TTN: variants seen among roughly 807,000 people sequenced by gnomAD.
The protein encoded by TTN is connectin.
Under a neutral mutation model 3,223.0 loss-of-function variants are expected in TTN, and 1,525 were observed. That is an observed-to-expected ratio of 0.47 (90% CI 0.45 to 0.49). The LOEUF (loss-of-function observed/expected upper bound fraction) is 0.49, where lower values mean the gene tolerates loss of function less well. TTN is among the 20% of genes least tolerant of loss of function. The pLI is 0.00. For missense variants in TTN, 40,786 were observed against 43,424.0 expected, an observed-to-expected ratio of 0.94 and a Z score of 5.40; for synonymous variants, 14,094 against 15,161.0, an observed-to-expected ratio of 0.93 and a Z score of 5.17.
intron 245 of TTN, 24 bp downstream of exon 245, chr2:178,621,451 G>GT (rs750785162): frequency 0.041 from 65,662 of 1,609,832 alleles, 3,157 homozygotes; most frequent in Admixed American, 0.18. Flanking sequence ...AGAAATAAAA[G>GT]ATTATTCACT....
At chr2:178,672,526 T>G in intron 153 of TTN, 45 bp from the exon 154 acceptor site, 15 of 1,603,488 alleles carry the variant, frequency 9.4e-6, no homozygotes, top group Non-Finnish European at 1.3e-5. Context: ...GAGAGCAAGC[T>G]TTCATAGACA....
Position 178,713,102 on chromosome 2 carries a change from G to A in TTN, c.27032C>T (p.Ala9011Val). The A allele has an allele frequency of 1.2e-6, 2 of 1,613,468 alleles. No homozygotes were observed. The highest frequency in any genetic ancestry group is 1.7e-6 in the Non-Finnish European group (2 of 1,179,544). Residue 9011 changes from alanine to valine, a missense_variant, in exon 93 of 363, where the codon GCT becomes GTT. Physicochemically the swap from Ala to Val is moderately conservative, Grantham distance 64 (BLOSUM62 0). Transcript: ENST00000589042. Reference sequence around the variant, plus strand: ...AAACTGACCTCTCACAGTCAAAGGAGCACTACATTCATCAGAACCAGCCAT... The same window carrying A: ...AAACTGACCTCTCACAGTCAAAGGAACACTACATTCATCAGAACCAGCCAT... ...TNMAGSDECS[A>V]PLTVREPPSF... is the part of the protein sequence containing the mutation.
Position 178,588,746 on chromosome 2 carries a change from C to CT in TTN, c.62978dup (p.Ser20994ValfsTer27), listed in dbSNP as rs2154183322. Reference sequence around the variant, plus strand: ...TCTCCAAAAAGTATCCAGTTATAGACTTTCCACCATCATATTCAGGTGGAT... The same window carrying CT: ...TCTCCAAAAAGTATCCAGTTATAGACTTTTCCACCATCATATTCAGGTGGAT... On this transcript the variant is annotated frameshift_variant, in exon 304 of 363. Transcript: ENST00000589042. LOFTEE classifies it high-confidence loss of function. 6.2e-7 allele frequency: 1 copy of CT among 1,613,338 alleles called. No homozygotes were observed. Among genetic ancestry groups the CT allele is most frequent in the Non-Finnish European group, 8.5e-7 (1 of 1,179,558 alleles).
In TTN at chr2:178,773,374, G is replaced by A; in HGVS notation, c.7595-5C>T. The stretch of plus-strand genomic sequence containing the variant: ...GACCTCTGATAATTTTAATTTCTGG[G>A]GAAAAAATAAAATAATCTCTTGGTT... On this transcript the variant is annotated splice_region_variant and splice_polypyrimidine_tract_variant and intron_variant, in intron 32 of 362. Transcript: ENST00000589042. 1 of 1,613,718 alleles carries A rather than the reference G, an allele frequency of 6.2e-7. No individual in the cohort carries two copies. The highest frequency in any genetic ancestry group is 8.5e-7 in the Non-Finnish European group (1 of 1,179,926).
In TTN at chr2:178,768,270, C is replaced by T. The variant is rs1320425228; in HGVS notation, c.9164-115G>A. Reference sequence around the variant, plus strand: ...ACAATTCAATGAATTTCCATGTATTCATCATTGTGTAGCCATCACCATAAT... The same window carrying T: ...ACAATTCAATGAATTTCCATGTATTTATCATTGTGTAGCCATCACCATAAT... On this transcript the variant is annotated intron_variant, in intron 38 of 362. Transcript: ENST00000589042. 21 of 1,279,096 alleles carry T rather than the reference C, an allele frequency of 1.6e-5. 1 individual carries two copies. The highest frequency in any genetic ancestry group is 1.5e-5 in the Non-Finnish European group (14 of 909,716). The allele number at this position is 1,279,096 out of a possible 1,614,324, so 79.2% of individuals were successfully genotyped here.
chr2:178,717,255 G>T lies in TTN; in HGVS notation c.25479C>A (p.Asn8493Lys). 1 of 1,613,654 alleles carries T rather than the reference G, an allele frequency of 6.2e-7. No individual in the cohort carries two copies. Among genetic ancestry groups the T allele is most frequent in the Non-Finnish European group, 8.5e-7 (1 of 1,179,678 alleles). The change falls in exon 88 of 363, where the codon AAC becomes AAA. Residue 8493 changes from asparagine to lysine, a missense_variant. Coordinates refer to ENST00000589042, the MANE Select transcript of TTN (RefSeq NM_001267550.2). ...APIKITWAKD[N>K]REIRPGGNYK... ...AGTTGCCTCCAGGGCGAATCTCTCGGTTATCTTTGGCCCAAGTGATTTTGA... is the reference window on the plus strand; with the variant it reads ...AGTTGCCTCCAGGGCGAATCTCTCGTTTATCTTTGGCCCAAGTGATTTTGA...
In TTN at chr2:178,719,826, G is replaced by A; in HGVS notation, c.23666C>T (p.Ala7889Val). Residue 7889 changes from alanine (A) to valine (V), a missense_variant, in exon 82 of 363, where the codon GCA (alanine) becomes GTA (valine). Ala to Val is a moderately conservative substitution (Grantham distance 64). Coordinates refer to ENST00000589042, the MANE Select transcript of TTN (RefSeq NM_001267550.2). ...GGGTTCGGGCTTCTCTATGATTCTT[G>A]CTGGTTCTAAAAGAAGAAGTATTTT... ...CSAVLTVLEP[A>V]RIIEKPEPMT... 1 of 1,603,174 alleles carries A rather than the reference G, an allele frequency of 6.2e-7. No individual in the cohort carries two copies. Among genetic ancestry groups the A allele is most frequent in the Non-Finnish European group, 8.5e-7 (1 of 1,173,780 alleles).
At position 178,647,077 on chromosome 2, in the gene TTN, A is replaced by C. The variant is rs1400146703; in HGVS notation, c.40209T>G (p.Thr13403=). ...ATATATATATACCTTCAACAGGGGGAGTCTCTTTTCTACCAATGGTTATAG... is the reference window on the plus strand; with the variant it reads ...ATATATATATACCTTCAACAGGGGGCGTCTCTTTTCTACCAATGGTTATAG... ...KASITIGRKE[T]PPVEEREIEK... Residue 13403 remains threonine (T), a synonymous_variant, in exon 215 of 363, where the codon ACT becomes ACG. Transcript: ENST00000589042. 7.6e-7 allele frequency: 1 copy of C among 1,307,498 alleles called. No homozygotes were observed. The highest frequency in any genetic ancestry group is 2.8e-5 in the East Asian group (1 of 35,840). 81.0% of individuals were successfully genotyped at this position (1,307,498 alleles called of 1,614,324 possible).
chr2:178,635,097 A>C, intron 228 of TTN, 68 bp downstream of exon 228: 2 of 1,586,268 alleles, frequency 1.3e-6, no homozygotes, highest in South Asian at 2.3e-5. Flanking sequence ...CGAATCTAGG[A>C]TATAGATCCT....
rs531445644 is a variant in TTN, at chr2:178,555,052, C to T, written c.88407G>A (p.Ala29469=). 94 of 1,613,710 alleles carry T rather than the reference C, an allele frequency of 5.8e-5. No individual in the cohort carries two copies. The highest frequency in any genetic ancestry group is 5.0e-4 in the Middle Eastern group (3 of 6,058). Residue 29469 remains alanine (A), a synonymous_variant, in exon 331 of 363, where the codon GCG becomes GCA. Coordinates refer to ENST00000589042, the MANE Select transcript of TTN (RefSeq NM_001267550.2). ...CATCTTTATACCACTCAATAGTAGG[C>T]GCAGGTTTGCCAGAAATGCCAGCTC... ...KLRAGISGKP[A]PTIEWYKDDK...
In TTN at chr2:178,544,421, A is replaced by T. The variant is rs1696070748; in HGVS notation, c.95808T>A (p.Asp31936Glu). 4 of 1,613,726 alleles carry T rather than the reference A, an allele frequency of 2.5e-6. No individual in the cohort carries two copies. Among genetic ancestry groups the T allele is most frequent in the Non-Finnish European group, 3.4e-6 (4 of 1,179,694 alleles). ...ISLAWTKPMY[D>E]GGTDIVGYVL... ...CATATCCTACAATGTCAGTACCACCATCGTACATGGGTTTGGTCCATGCCA... is the reference window on the plus strand; with the variant it reads ...CATATCCTACAATGTCAGTACCACCTTCGTACATGGGTTTGGTCCATGCCA... Residue 31936 changes from aspartate to glutamate, a missense_variant, in exon 345 of 363, where the codon GAT becomes GAA. Coordinates refer to ENST00000589042, the MANE Select transcript of TTN (RefSeq NM_001267550.2).
chr2:178,689,371 G>T lies in TTN; in HGVS notation c.31930C>A (p.Pro10644Thr), dbSNP rs1213305349. The T allele has an allele frequency of 6.2e-7, 1 of 1,613,716 alleles. No individual in the cohort carries two copies. The highest frequency in any genetic ancestry group is 8.5e-7 in the Non-Finnish European group (1 of 1,179,784). Reference sequence around the variant, plus strand: ...GGAACTTTCTTCTTTGGTATTTCTGGCACTTAAAGGATAGTATTGAATTTT... The same window carrying T: ...GGAACTTTCTTCTTTGGTATTTCTGTCACTTAAAGGATAGTATTGAATTTT... ...QREESPPPAV[P>T]EIPKKKVPEE... is the part of the protein sequence containing the mutation. The change falls in exon 124 of 363, where the codon CCA becomes ACA. Residue 10644 changes from proline (P) to threonine (T), a missense_variant and splice_region_variant. Transcript: ENST00000589042.
rs1423033072 is a variant in TTN at position 178,575,601 on chromosome 2, C to T, written c.70531G>A (p.Ala23511Thr). The T allele has an allele frequency of 6.2e-7, 1 of 1,613,632 alleles. No individual in the cohort carries two copies. Among genetic ancestry groups the T allele is most frequent in the East Asian group, 2.2e-5 (1 of 44,832 alleles). ...EGCEYFFRVM[A>T]ENEYGIGEPT... ...TCACCAATTCCATATTCATTCTCTG[C>T]CATCACTCTGAAGAAATATTCACAC... is the stretch of plus-strand genomic sequence containing the variant. Residue 23511 changes from alanine (A) to threonine (T), a missense_variant, in exon 326 of 363, where the codon GCA (alanine) becomes ACA (threonine). Ala to Thr is a moderately conservative substitution (Grantham distance 58). Coordinates refer to ENST00000589042, the MANE Select transcript of TTN (RefSeq NM_001267550.2). The surrounding 1 kb of genome is among the most constrained non-coding windows in gnomAD (Gnocchi z 4.0).
chr2:178,752,407 T>C (rs1319189495), intron 47 of TTN, among the ~76,000 whole-genome samples: 2 of 152,044 alleles, frequency 1.3e-5, no homozygotes, highest in East Asian at 3.9e-4. Flanking sequence ...ATAAACGCCC[T>C]TTCTGATTCT....
rs1185928509 is a variant in TTN, at chr2:178,540,163, C to T, written c.98003G>A (p.Gly32668Asp). ...TAGGACGCGGAACCTGTATTCTGCA[C>T]CCTGAGGTAGGTGTGTTAGAGTATA... ...REYTLTHLPQ[G>D]AEYRFRVLAC... is the part of the protein sequence containing the mutation. The change falls in exon 351 of 363, where the codon GGT (glycine) becomes GAT (aspartate). Residue 32668 changes from glycine to aspartate, a missense_variant. By Grantham distance (94) the Gly-to-Asp change is moderately conservative. Transcript: ENST00000589042. 3.1e-6 allele frequency: 5 copies of T among 1,613,818 alleles called. No homozygotes were observed. In the Admixed American group the frequency reaches 5.0e-5, roughly 16 times the overall value.
rs2078837043 is a variant in TTN at position 178,723,703 on chromosome 2, A to G, written c.21404-7T>C. 2 of 1,549,674 alleles carry G rather than the reference A, an allele frequency of 1.3e-6. No homozygotes were observed. Among genetic ancestry groups the G allele is most frequent in the South Asian group, 1.3e-5 (1 of 78,546 alleles). On this transcript the variant is annotated splice_region_variant and splice_polypyrimidine_tract_variant and intron_variant, in intron 73 of 362. Transcript: ENST00000589042. ...TTCACAAAAGAGGGTGGTTCTATAT[A>G]GACATGGAGAACAATTAAAAGATCC...
chr2:178,695,285 G>T, intron 115 of TTN, 63 bp downstream of exon 115: 1 of 1,340,110 alleles, frequency 7.5e-7, no homozygotes, highest in Non-Finnish European at 1.1e-6. Context: ...ATACATTGCT[G>T]CCAAACAAGC....
intron 50 of TTN, 129 bp from the exon 51 acceptor site, chr2:178,735,117 C>CTG: frequency 9.5e-7 from 1 of 1,048,564 alleles, no homozygotes; most frequent in Admixed American, 3.1e-5. Context: ...TCTGTAAAAG[C>CTG]TGTGGTGCAT....
chr2:178,701,325 G>A (rs1297339692), intron 110 of TTN, 122 bp from the exon 111 acceptor site: 4 of 1,045,276 alleles, frequency 3.8e-6, no homozygotes, highest in African/African-American at 3.2e-5. Context: ...TTCATCAGTC[G>A]GAACAAATAA....
Sources: gnomAD v4.1 joint callset for allele counts (sites outside exome capture counted in the v4.1 genomes callset) on GRCh38, gnomAD v4.1.1 for gene constraint, Gnocchi (gnomAD v3.1) non-coding constraint, MANE v1.5 for transcripts, NCBI Gene and HGNC (gene_info 2026-07-23, HGNC 2026-07-21) for gene names.